Variants in TRNT1 observed in about 807,000 individuals in gnomAD.
The protein encoded by TRNT1 is CCA tRNA nucleotidyltransferase 1, mitochondrial.
A neutral mutation model predicts 45.6 loss-of-function variants in TRNT1; 44 were observed. That is an observed-to-expected ratio of 0.97 (90% CI 0.76 to 1.24). TRNT1 has a LOEUF of 1.24. Ranked by LOEUF, TRNT1 falls within the 50% of genes most tolerant of loss-of-function variation. The pLI is 0.00. For synonymous variants in TRNT1, 201 were observed against 171.4 expected (o/e 1.17, Z -1.35); for missense variants, 633 against 504.4 (o/e 1.25, Z -2.44).
At chr3:3,150,098 T>C (rs1559236630), downstream of TRNT1, 2 of 152,144 alleles carry the variant, frequency 1.3e-5, no homozygotes, top group African/African-American at 4.8e-5. Context: ...TTAGTCTGGG[T>C]GAGGGGACAT....
At position 3,148,242 on chromosome 3, in the gene TRNT1, A is replaced by C; in HGVS notation, c.*88A>C. 1 of 1,440,230 alleles carries C rather than the reference A, an allele frequency of 6.9e-7. No individual in the cohort carries two copies. The highest frequency in any genetic ancestry group is 1.4e-5 in the South Asian group (1 of 72,762). 89.2% of individuals were successfully genotyped at this position (1,440,230 alleles called of 1,614,324 possible). A position where few individuals can be genotyped will look rare whatever the true frequency, so the allele number is the denominator to read the frequency against. On this transcript the variant is annotated 3_prime_UTR_variant, in exon 8 of 8. Coordinates refer to ENST00000251607, the MANE Select transcript of TRNT1 (RefSeq NM_182916.3). ...AATGAGGTTTTAGAGACTACACCAG[A>C]ATAAAAGACAGTTTAGGGGACCTCT...
At chr3:3,138,471 C>A (rs1705456243) in intron 3 of TRNT1, among the ~76,000 whole-genome samples, 2 of 152,120 alleles carry the variant, frequency 1.3e-5, no homozygotes, top group African/African-American at 4.8e-5. Context: ...GATGATATAA[C>A]TTGTTTTGGA....
chr3:3,137,587 G>T lies in TRNT1; in HGVS notation c.342+134G>T, dbSNP rs1029291914. ...CTCTTCTATGCCCGTCATAAACCCTGCAGTCCTCTGTTCTTGCAGCCATGT... is the reference window on the plus strand; with the variant it reads ...CTCTTCTATGCCCGTCATAAACCCTTCAGTCCTCTGTTCTTGCAGCCATGT... On this transcript the variant is annotated intron_variant, in intron 3 of 7. Transcript: ENST00000251607. The T allele has an allele frequency of 8.0e-6, 5 of 621,528 alleles. No homozygotes were observed. In the African/African-American group the frequency reaches 9.5e-5, roughly 12 times the overall value. The allele number at this position is 621,528 out of a possible 1,614,324, so 38.5% of individuals were successfully genotyped here.
At chr3:3,138,602 C>T (rs1027889408) in intron 3 of TRNT1, among the ~76,000 whole-genome samples, 36 of 152,150 alleles carry the variant, frequency 2.4e-4, no homozygotes, top group African/African-American at 8.2e-4. Context: ...ATTGCTGGGA[C>T]TGACCTTCTA....
chr3:3,150,942 T>C (rs1357492415), downstream of TRNT1: 1 of 1,613,894 alleles, frequency 6.2e-7, no homozygotes, highest in Non-Finnish European at 8.5e-7. Flanking sequence ...GCAGATCGCG[T>C]TAAGCCCCAA....
At position 3,148,169 on chromosome 3, in the gene TRNT1, A is replaced by G; in HGVS notation, c.*15A>G. On this transcript the variant is annotated 3_prime_UTR_variant, in exon 8 of 8. Transcript: ENST00000251607. ...AGAAGACCTAAAACTGATGGCTACTAAAAAGCAGAGCATTTCTGGTAAGAC... is the reference window on the plus strand; with the variant it reads ...AGAAGACCTAAAACTGATGGCTACTGAAAAGCAGAGCATTTCTGGTAAGAC... 1 of 1,609,374 alleles carries G rather than the reference A, an allele frequency of 6.2e-7. No individual in the cohort carries two copies. Among genetic ancestry groups the G allele is most frequent in the Non-Finnish European group, 8.5e-7 (1 of 1,177,934 alleles).
intron 2 of TRNT1, chr3:3,130,801 C>G (rs1704972406): frequency 6.6e-6 from 1 of 152,148 alleles, no homozygotes; most frequent in Non-Finnish European, 1.5e-5. Flanking sequence ...CTTTGGGAGG[C>G]TGGACATGGT....
intron 2 of TRNT1, chr3:3,129,934 A>G (rs1410274855): frequency 2.6e-6 from 4 of 1,550,644 alleles, no homozygotes; most frequent in African/African-American, 1.4e-5. Flanking sequence ...AATGCTTTCC[A>G]TGAGAACTGA....
chr3:3,137,108 T>C (rs1385379735), intron 2 of TRNT1, 152 bp from the exon 3 acceptor site: 4 of 597,062 alleles, frequency 6.7e-6, no homozygotes, highest in African/African-American at 1.9e-5. Context: ...TTTACTTCTT[T>C]GGGCCTTGTT....
At position 3,147,486 on chromosome 3, in the gene TRNT1, A is replaced by G; in HGVS notation, c.839A>G (p.Lys280Arg). 2 of 1,613,744 alleles carry G rather than the reference A, an allele frequency of 1.2e-6. No individual in the cohort carries two copies. Among genetic ancestry groups the G allele is most frequent in the South Asian group, 2.2e-5 (2 of 91,058 alleles). ...PANASLEEFD[K>R]VSKNVDGFSP... ...AATGCAAGTTTAGAAGAATTTGACA[A>G]AGTCAGTAAAAATGTTGATGGTTTT... Residue 280 changes from lysine (K) to arginine (R), a missense_variant, in exon 7 of 8, where the codon AAA (lysine) becomes AGA (arginine). Lys to Arg is a conservative substitution (Grantham distance 26, BLOSUM62 2). Coordinates refer to ENST00000251607, the MANE Select transcript of TRNT1 (RefSeq NM_182916.3).
chr3:3,142,350 C>T (rs1026833546), intron 4 of TRNT1, among the ~76,000 whole-genome samples: 6 of 152,114 alleles, frequency 3.9e-5, no homozygotes, highest in Admixed American at 3.9e-4. Context: ...ATTTAATCTC[C>T]TGACAACCCT....
chr3:3,149,933 G>GAGGT (rs1706378561), downstream of TRNT1: 2 of 152,142 alleles, frequency 1.3e-5, no homozygotes, highest in African/African-American at 4.8e-5. Context: ...TATAAGCAAA[G>GAGGT]AGGTAGGTGG....
At chr3:3,150,970 G>GTCT, downstream of TRNT1, 2 of 1,614,026 alleles carry the variant, frequency 1.2e-6, no homozygotes, top group African/African-American at 1.3e-5. Context: ...GAGGTGACAT[G>GTCT]TCTTTTTTGG....
At chr3:3,149,888 C>CAAATGTGGA (rs1706372228), downstream of TRNT1, 1 of 152,082 alleles carries the variant, frequency 6.6e-6, no homozygotes, top group African/African-American at 2.4e-5. Flanking sequence ...AGTTATCATA[C>CAAATGTGGA]AAATGTGGAA....
chr3:3,128,904 A>AACAAG, intron 1 of TRNT1, 110 bp from the exon 2 acceptor site: 1 of 848,404 alleles, frequency 1.2e-6, no homozygotes, highest in Admixed American at 2.4e-5. Flanking sequence ...TTTTCATCTG[A>AACAAG]ACAAGAGATG....
At chr3:3,150,951 A>C, downstream of TRNT1, 1 of 1,614,062 alleles carries the variant, frequency 6.2e-7, no homozygotes, top group Non-Finnish European at 8.5e-7. Flanking sequence ...GTTAAGCCCC[A>C]AAATTTTTGA....
chr3:3,147,167 GAA>G (rs1241738290), intron 6 of TRNT1, among the ~76,000 whole-genome samples: 1 of 152,154 alleles, frequency 6.6e-6, no homozygotes, highest in African/African-American at 2.4e-5. Flanking sequence ...TTTGTGATTA[GAA>G]AGAGTATGCC....
rs372627156 is a variant in TRNT1 at position 3,146,503 on chromosome 3, A to G, written c.682A>G (p.Lys228Glu). The part of the protein sequence containing the change: ...ETLEAIAENA[K>E]GLAGISGERI... The stretch of plus-strand genomic sequence containing the variant: ...TTTGGAAGCAATTGCAGAAAATGCA[A>G]AAGGCTTGGCTGGAATATCAGGAGA... Residue 228 changes from lysine to glutamate, a missense_variant, in exon 6 of 8, where the codon AAA becomes GAA. Physicochemically the swap from Lys to Glu is moderately conservative, Grantham distance 56 (BLOSUM62 1). Transcript: ENST00000251607. 2.2e-5 allele frequency: 36 copies of G among 1,613,966 alleles called. No homozygotes were observed. The highest frequency in any genetic ancestry group is 1.2e-4 in the African/African-American group (9 of 74,924).
At position 3,137,669 on chromosome 3, in the gene TRNT1, T is replaced by C. The variant is rs562435600; in HGVS notation, c.342+216T>C. ...AAGACCTTTGTATGCTACGGGTATT[T>C]ACTTTTCAGTTTTTACTATCCCAGT... On this transcript the variant is annotated intron_variant, in intron 3 of 7. Coordinates refer to ENST00000251607, the MANE Select transcript of TRNT1 (RefSeq NM_182916.3). Among the ~76,000 whole-genome samples, 6 of 151,906 alleles carry C rather than the reference T, an allele frequency of 3.9e-5. 1 individual carries two copies. The South Asian group carries it at 1.2e-3, about 32-fold the overall frequency.
Sources: allele counts gnomAD v4.1 joint callset (sites outside exome capture counted in the v4.1 genomes callset), GRCh38; gene constraint gnomAD v4.1.1; transcripts MANE v1.5; gene names NCBI Gene and HGNC (gene_info 2026-07-23, HGNC 2026-07-21).